PLXNB2: variants seen among roughly 807,000 people sequenced by gnomAD.
PLXNB2 encodes plexin B2, also known as plexin-B2.
PLXNB2 carries 85 observed loss-of-function variants against 202.6 expected under a neutral mutation model. The ratio of observed to expected loss-of-function variants is 0.42; its 90% CI spans 0.35 to 0.50. PLXNB2 has a LOEUF of 0.50. Among genes scored for constraint, PLXNB2 ranks in the 20% least tolerant of loss-of-function variants. PLXNB2 has a pLI of 0.02. For synonymous variants in PLXNB2, 1,239 were observed against 1,137.6 expected (o/e 1.09, Z -1.79); for missense variants, 2,063 against 2,586.2 (o/e 0.80, Z 4.39).
chr22:50,300,130 A>G, intron 1 of PLXNB2: 1 of 366,056 alleles, frequency 2.7e-6, no homozygotes, highest in Non-Finnish European at 3.8e-6. Flanking sequence ...GCGCACCTGG[A>G]GGGAGCACGT....
intron 1 of PLXNB2, among the ~76,000 whole-genome samples, chr22:50,296,991 G>A (rs1227404868): frequency 6.6e-6 from 1 of 152,196 alleles, no homozygotes; most frequent in African/African-American, 2.4e-5. Flanking sequence ...GAGGTTTCGG[G>A]GGGCAGAGGG....
At chr22:50,280,353 G>A (rs868659814) in intron 25 of PLXNB2, 136 bp downstream of exon 25, 10 of 798,868 alleles carry the variant, frequency 1.3e-5, no homozygotes, top group Middle Eastern at 7.6e-4. Context: ...CCCCTAGACC[G>A]CCCCCCACCA....
intron 27 of PLXNB2, 135 bp downstream of exon 27, chr22:50,279,495 G>T: frequency 1.2e-6 from 1 of 869,252 alleles, no homozygotes; most frequent in Non-Finnish European, 1.8e-6. Flanking sequence ...GGCCGAGTTA[G>T]AGCAGGCTGT....
chr22:50,296,193 TAC>T (rs58616888), intron 1 of PLXNB2, among the ~76,000 whole-genome samples: 1,532 of 139,348 alleles, frequency 0.011, 17 homozygotes, highest in African/African-American at 0.033. Context: ...TCTCAAAAAA[TAC>T]ACACACACAC....
intron 1 of PLXNB2, among the ~76,000 whole-genome samples, chr22:50,295,866 G>A (rs1329795433): frequency 1.3e-5 from 2 of 152,132 alleles, no homozygotes; most frequent in Non-Finnish European, 2.9e-5. Flanking sequence ...CACTTTGGGA[G>A]GCTGAAGTGG....
Position 50,275,147 on chromosome 22 carries a change from T to C in PLXNB2, c.*557A>G. ...CTGGGCCCCGACGTAGGACTTGACC[T>C]ACGTCTCACTTGACCTTTGACGTGG... is the stretch of plus-strand genomic sequence containing the variant. On this transcript the variant is annotated 3_prime_UTR_variant, in exon 37 of 37. Coordinates refer to ENST00000359337, the MANE Select transcript of PLXNB2 (RefSeq NM_012401.4). The C allele has an allele frequency of 6.7e-6, 2 of 298,350 alleles. No homozygotes were observed. The highest frequency in any genetic ancestry group is 1.3e-5 in the Non-Finnish European group (2 of 151,274). 18.5% of individuals were successfully genotyped at this position (298,350 alleles called of 1,614,324 possible).
At chr22:50,287,335 C>T in intron 7 of PLXNB2, 71 bp from the exon 8 acceptor site, 2 of 1,431,512 alleles carry the variant, frequency 1.4e-6, no homozygotes, top group Non-Finnish European at 1.9e-6. Context: ...GTGACCCGAC[C>T]TCCCTGCGTG....
intron 35 of PLXNB2, among the ~76,000 whole-genome samples, chr22:50,276,310 G>A (rs1196496245): frequency 2.7e-5 from 4 of 149,804 alleles, no homozygotes; most frequent in South Asian, 4.2e-4. Flanking sequence ...GGACACGGCC[G>A]TGGATGGAGC....
chr22:50,275,126 G>A lies in PLXNB2; in HGVS notation c.*578C>T. On this transcript the variant is annotated 3_prime_UTR_variant, in exon 37 of 37. Coordinates refer to ENST00000359337, the MANE Select transcript of PLXNB2 (RefSeq NM_012401.4). ...CAGACCAGGACCCCAGGATGTCTGG[G>A]CCCCGACGTAGGACTTGACCTACGT... The A allele has an allele frequency of 3.8e-6, 1 of 263,522 alleles. No homozygotes were observed. The highest frequency in any genetic ancestry group is 7.6e-6 in the Non-Finnish European group (1 of 132,214). The allele number at this position is 263,522 out of a possible 1,614,324, so 16.3% of individuals were successfully genotyped here.
At chr22:50,279,037 C>T (rs1327841940) in intron 27 of PLXNB2, 26 bp from the exon 28 acceptor site, 1 of 1,582,402 alleles carries the variant, frequency 6.3e-7, no homozygotes, top group Middle Eastern at 1.7e-4. Flanking sequence ...GGATGAAGCC[C>T]AGTGGGAGGC....
chr22:50,278,820 C>G (rs769760346), intron 28 of PLXNB2, 35 bp downstream of exon 28: 4 of 1,600,612 alleles, frequency 2.5e-6, no homozygotes, highest in East Asian at 4.5e-5. Flanking sequence ...GGCACATGGG[C>G]GCCTGTGTGC....
chr22:50,301,415 G>C (rs570004073), intron 1 of PLXNB2: 12 of 429,928 alleles, frequency 2.8e-5, no homozygotes, highest in Non-Finnish European at 2.9e-5. Flanking sequence ...CGGGGCACAC[G>C]AGGCCGATGG....
At chr22:50,292,610 C>T (rs2066956383) in intron 2 of PLXNB2, among the ~76,000 whole-genome samples, 1 of 152,194 alleles carries the variant, frequency 6.6e-6, no homozygotes, top group Non-Finnish European at 1.5e-5. Context: ...ACCCCCTGGC[C>T]TCTGTCCTCC....
rs1190552437 is a variant in PLXNB2 at position 50,307,566 on chromosome 22, G to A, written c.-87C>T. The A allele has an allele frequency of 2.0e-6, 2 of 982,014 alleles. No individual in the cohort carries two copies. Among genetic ancestry groups the A allele is most frequent in the Non-Finnish European group, 2.4e-6 (2 of 828,646 alleles). 60.8% of individuals were successfully genotyped at this position (982,014 alleles called of 1,614,324 possible). ...CGAGCTCGGTACCTGCACGTCCGCC[G>A]CCAAGGCTCGATGGCGCCCGGGCCG... On this transcript the variant is annotated 5_prime_UTR_variant, in exon 1 of 37. Coordinates refer to ENST00000359337, the MANE Select transcript of PLXNB2 (RefSeq NM_012401.4).
Position 50,289,429 on chromosome 22 carries a change from G to A in PLXNB2, c.1068+88C>T, listed in dbSNP as rs922919240. Reference sequence around the variant, plus strand: ...CGAGAGCCACGGCCACACTGCTCACGTGCACCCTCCCCAGCAGGCTGGGAC... The same window carrying A: ...CGAGAGCCACGGCCACACTGCTCACATGCACCCTCCCCAGCAGGCTGGGAC... On this transcript the variant is annotated intron_variant, in intron 3 of 36. Coordinates refer to ENST00000359337, the MANE Select transcript of PLXNB2 (RefSeq NM_012401.4). The surrounding 1 kb of genome is among the most constrained non-coding windows in gnomAD (Gnocchi z 8.0). The A allele has an allele frequency of 1.9e-5, 27 of 1,453,112 alleles. No individual in the cohort carries two copies. In the African/African-American group the frequency reaches 2.1e-4, roughly 11 times the overall value. 90.0% of individuals were successfully genotyped at this position (1,453,112 alleles called of 1,614,324 possible).
chr22:50,279,151 C>T (rs1476390588), intron 27 of PLXNB2, 140 bp from the exon 28 acceptor site: 2 of 821,396 alleles, frequency 2.4e-6, no homozygotes, highest in Admixed American at 2.9e-5. Context: ...CGGCTCCGAG[C>T]CCCCGAGGCT....
chr22:50,305,722 G>A (rs993547412), intron 1 of PLXNB2, among the ~76,000 whole-genome samples: 2 of 152,154 alleles, frequency 1.3e-5, no homozygotes, highest in African/African-American at 2.4e-5. Context: ...ACTGGCACAG[G>A]GTGTGTCCCT....
In PLXNB2 at chr22:50,283,404, C is replaced by G; in HGVS notation, c.2612G>C (p.Gly871Ala). The G allele has an allele frequency of 4.3e-6, 7 of 1,613,284 alleles. No individual in the cohort carries two copies. Among genetic ancestry groups the G allele is most frequent in the East Asian group, 2.2e-5 (1 of 44,880 alleles). The change falls in exon 16 of 37, where the codon GGG (glycine) becomes GCG (alanine). Residue 871 changes from glycine to alanine, a missense_variant. Coordinates refer to ENST00000359337, the MANE Select transcript of PLXNB2 (RefSeq NM_012401.4). ...VIEAAETPFT[G>A]GVEVDVFGKL... ...CCCGAAGACGTCCACCTCGACACCC[C>G]CCGTGAAAGGCGTCTCCGCAGCCTC...
chr22:50,276,540 T>C lies in PLXNB2; in HGVS notation c.5337+89A>G, dbSNP rs2065609528. The stretch of plus-strand genomic sequence containing the variant: ...ACCCTCTCTCCCCCTCAGCACCACA[T>C]TACCCCTGCCCTGCAGCTCAGGGCC... On this transcript the variant is annotated intron_variant, in intron 35 of 36. Coordinates refer to ENST00000359337, the MANE Select transcript of PLXNB2 (RefSeq NM_012401.4). The C allele has an allele frequency of 1.0e-5, 12 of 1,149,442 alleles. No homozygotes were observed. In the South Asian group the frequency reaches 1.4e-4, roughly 13 times the overall value. The allele number at this position is 1,149,442 out of a possible 1,614,324, so 71.2% of individuals were successfully genotyped here. A position where few individuals can be genotyped will look rare whatever the true frequency, so the allele number is the denominator to read the frequency against.
Sources: allele counts gnomAD v4.1 joint callset (sites outside exome capture counted in the v4.1 genomes callset), GRCh38; gene constraint gnomAD v4.1.1; non-coding constraint Gnocchi (gnomAD v3.1); transcripts MANE v1.5; gene names NCBI Gene and HGNC (gene_info 2026-07-23, HGNC 2026-07-21).